COL24A1: variants seen among roughly 807,000 people sequenced by gnomAD.
COL24A1 encodes collagen alpha-1(XXIV) chain.
In COL24A1, 224 loss-of-function variants were observed where a neutral mutation model predicts 253.9. That is an observed-to-expected ratio of 0.88 (90% CI 0.79 to 0.99). COL24A1 has a LOEUF of 0.99. Among genes scored for constraint, COL24A1 ranks in the 50% least tolerant of loss-of-function variants. COL24A1 has a pLI of 0.00. For missense variants in COL24A1, 2,131 were observed against 2,068.5 expected (o/e 1.03, Z -0.59); for synonymous variants, 685 against 673.7 (o/e 1.02, Z -0.26).
intron 13 of COL24A1, among the ~76,000 whole-genome samples, chr1:86,032,342 T>TTA (rs1171055421): frequency 3.3e-5 from 5 of 152,184 alleles, no homozygotes; most frequent in Non-Finnish European, 7.4e-5. Context: ...TTGAAGTACA[T>TTA]TATTTAAATT....
intron 28 of COL24A1, among the ~76,000 whole-genome samples, chr1:85,901,831 A>AAAAAAAAG: frequency 6.9e-6 from 1 of 145,824 alleles, no homozygotes; most frequent in African/African-American, 2.6e-5. Context: ...TCTCAAAAAA[A>AAAAAAAAG]AAAAAAAAAA....
chr1:85,906,171 C>T (rs1684793935), intron 28 of COL24A1, among the ~76,000 whole-genome samples: 1 of 150,338 alleles, frequency 6.7e-6, no homozygotes, highest in African/African-American at 2.4e-5. Context: ...TCAAGCTTCA[C>T]CGAAAACACA....
chr1:86,062,094 G>A (rs1701133029), intron 8 of COL24A1, among the ~76,000 whole-genome samples: 1 of 151,982 alleles, frequency 6.6e-6, no homozygotes, highest in Non-Finnish European at 1.5e-5. Flanking sequence ...TAGTATTGGT[G>A]ACATTAAGTT....
At chr1:85,816,978 A>G (rs985053544) in intron 46 of COL24A1, 83 bp from the exon 47 acceptor site, 29 of 1,028,532 alleles carry the variant, frequency 2.8e-5, no homozygotes, top group Non-Finnish European at 4.1e-5. Flanking sequence ...ATTGAGCTGG[A>G]GAAGTTTACA....
intron 2 of COL24A1, among the ~76,000 whole-genome samples, chr1:86,136,534 T>C (rs962092219): frequency 4.6e-5 from 7 of 152,106 alleles, no homozygotes; most frequent in African/African-American, 1.4e-4. Flanking sequence ...TCTCTTGGTT[T>C]CAACTTTATA....
chr1:86,045,547 A>G (rs558330574), intron 12 of COL24A1, among the ~76,000 whole-genome samples: 10 of 152,214 alleles, frequency 6.6e-5, no homozygotes, highest in African/African-American at 2.4e-4. Context: ...TATGTGTATG[A>G]GAGCTAAAAC....
intron 24 of COL24A1, among the ~76,000 whole-genome samples, chr1:85,932,825 A>G (rs1483043453): frequency 1.2e-4 from 8 of 67,442 alleles, no homozygotes; most frequent in Admixed American, 3.7e-4. Context: ...TTCTCAGTAA[A>G]CTATCGCAAG....
intron 20 of COL24A1, among the ~76,000 whole-genome samples, chr1:85,979,767 A>T (rs563068038): frequency 2.6e-5 from 4 of 152,226 alleles, no homozygotes; most frequent in African/African-American, 9.6e-5. Context: ...TCAAAGAAGA[A>T]TTGGTACCAA....
rs78100413 is a variant in COL24A1, at chr1:86,116,037, A to G, written c.1492-659T>C. On this transcript the variant is annotated intron_variant, in intron 3 of 59. Coordinates refer to ENST00000370571, the MANE Select transcript of COL24A1 (RefSeq NM_152890.7). ...AAACATATCAAATAAGAAATAGGACACTACTTCTTTACTTCTCCATATAAT... is the reference window on the plus strand; with the variant it reads ...AAACATATCAAATAAGAAATAGGACGCTACTTCTTTACTTCTCCATATAAT... Among the ~76,000 whole-genome samples, 642 of 152,342 alleles carry G rather than the reference A, an allele frequency of 4.2e-3. 7 individuals are homozygous for G. The highest frequency in any genetic ancestry group is 0.015 in the African/African-American group (622 of 41,572).
chr1:85,900,770 C>A (rs902635732), intron 28 of COL24A1, among the ~76,000 whole-genome samples: 3 of 152,074 alleles, frequency 2.0e-5, no homozygotes, highest in Non-Finnish European at 4.4e-5. Flanking sequence ...ACGTTTATAG[C>A]CAGCTGATTT....
chr1:85,945,623 G>A (rs1689257029), intron 24 of COL24A1, among the ~76,000 whole-genome samples: 1 of 147,052 alleles, frequency 6.8e-6, no homozygotes, highest in Non-Finnish European at 1.5e-5. Context: ...GTCTAATTAT[G>A]TGGCAACTAG....
chr1:86,077,994 TAAAAAA>T (rs969084516), intron 7 of COL24A1, among the ~76,000 whole-genome samples: 2 of 151,702 alleles, frequency 1.3e-5, no homozygotes, highest in African/African-American at 4.8e-5. Context: ...TTAAAAAAAT[TAAAAAA>T]AGAAAACTGC....
chr1:85,913,369 T>C (rs917722183), intron 24 of COL24A1, among the ~76,000 whole-genome samples: 1 of 152,168 alleles, frequency 6.6e-6, no homozygotes, highest in Non-Finnish European at 1.5e-5. Context: ...GTCCAATATA[T>C]GGTGCTGTTT....
chr1:86,004,295 G>A (rs868441224), intron 19 of COL24A1, among the ~76,000 whole-genome samples: 7 of 152,068 alleles, frequency 4.6e-5, no homozygotes, highest in African/African-American at 1.7e-4. Context: ...AGTTCTACTA[G>A]CACTACTATC....
chr1:85,899,210 A>G (rs549035503), intron 28 of COL24A1, among the ~76,000 whole-genome samples: 1 of 152,212 alleles, frequency 6.6e-6, no homozygotes, highest in African/African-American at 2.4e-5. Flanking sequence ...AAACACAGCT[A>G]ATTTTTTTTT....
In COL24A1 at chr1:85,883,360, C is replaced by T. The variant is rs555398720; in HGVS notation, c.2977-6185G>A. Among the ~76,000 whole-genome samples the T allele has an allele frequency of 3.0e-3, 458 of 151,994 alleles. 3 individuals are homozygous for T. Among genetic ancestry groups the T allele is most frequent in the African/African-American group, 0.01 (435 of 41,456 alleles). ...TCAGCCCCCTGAGTAGCTGGGACTA[C>T]AGGAGAGTCCCACCATGTCCAACTA... On this transcript the variant is annotated intron_variant, in intron 32 of 59. Transcript: ENST00000370571.
chr1:85,941,924 G>T lies in COL24A1; in HGVS notation c.2562+19325C>A, dbSNP rs548376017. ...TAGCAGCATACTGGGCACATAGTAG[G>T]TGTTCAGTAAAGATATATAGAGTGA... On this transcript the variant is annotated intron_variant, in intron 24 of 59. Coordinates refer to ENST00000370571, the MANE Select transcript of COL24A1 (RefSeq NM_152890.7). 2.6e-5 allele frequency among the ~76,000 whole-genome samples: 4 copies of T among 152,268 alleles called. No individual in the cohort carries two copies. The East Asian group carries it at 7.7e-4, about 29-fold the overall frequency.
At chr1:86,121,519 C>T (rs1647346440) in intron 3 of COL24A1, among the ~76,000 whole-genome samples, 1 of 151,480 alleles carries the variant, frequency 6.6e-6, no homozygotes, top group African/African-American at 2.4e-5. Flanking sequence ...AAATAAAGTT[C>T]AAAGAAGAGT....
chr1:85,970,330 A>T, intron 21 of COL24A1, 59 bp from the exon 22 acceptor site: 1 of 1,410,238 alleles, frequency 7.1e-7, no homozygotes, highest in Non-Finnish European at 9.7e-7. Flanking sequence ...TAAAAATGTA[A>T]ACTCTTATTT....
Sources: gnomAD v4.1 joint callset for allele counts (sites outside exome capture counted in the v4.1 genomes callset) on GRCh38, gnomAD v4.1.1 for gene constraint, MANE v1.5 for transcripts, NCBI Gene and HGNC (gene_info 2026-07-23, HGNC 2026-07-21) for gene names.